ANKRD12: variants seen among roughly 807,000 people sequenced by gnomAD.
The protein encoded by ANKRD12 is ankyrin repeat domain-containing protein 12.
A neutral mutation model predicts 183.4 loss-of-function variants in ANKRD12; 85 were observed. The observed-to-expected ratio is 0.46, with a 90% CI of 0.39 to 0.56. ANKRD12 has a LOEUF of 0.56. Ranked by LOEUF, ANKRD12 falls within the 20% of genes least tolerant of loss-of-function variation. The pLI is 0.00. For synonymous variants in ANKRD12, 914 were observed against 800.2 expected, an observed-to-expected ratio of 1.14 and a Z score of -2.40; for missense variants, 2,405 against 2,357.1, an observed-to-expected ratio of 1.02 and a Z score of -0.42.
At chr18:9,179,244 T>C (rs577307614) in intron 1 of ANKRD12, among the ~76,000 whole-genome samples, 31 of 152,300 alleles carry the variant, frequency 2.0e-4, no homozygotes, top group Non-Finnish European at 1.9e-4. Flanking sequence ...ACTTTCCAAG[T>C]TGTATGCCTT....
At position 9,279,557 on chromosome 18, in the gene ANKRD12, CAGTAAA is replaced by C. The variant is rs776092352; in HGVS notation, c.5918_5923del (p.Ser1973_Lys1974del). On this transcript the variant is annotated inframe_deletion, in exon 12 of 13. Transcript: ENST00000262126. ...TCACTTTTCTCTTTTAGTCTGATGA[CAGTAAA>C]ACTTCTGTGAGGGATCGCTTTAATG... 6.3e-7 allele frequency: 1 copy of C among 1,588,506 alleles called. No homozygotes were observed. The highest frequency in any genetic ancestry group is 8.6e-7 in the Non-Finnish European group (1 of 1,164,848).
chr18:9,222,471 T>C (rs989271293), intron 8 of ANKRD12, among the ~76,000 whole-genome samples: 9 of 151,454 alleles, frequency 5.9e-5, no homozygotes, highest in African/African-American at 1.7e-4. Flanking sequence ...TTTCTTTCTT[T>C]TTTTTTTTTT....
chr18:9,264,151 A>G (rs1027826816), intron 10 of ANKRD12, among the ~76,000 whole-genome samples: 20 of 152,254 alleles, frequency 1.3e-4, no homozygotes, highest in Admixed American at 1.0e-3. Flanking sequence ...TTGTAGAACT[A>G]TAGCAGTAGA....
chr18:9,148,588 T>G (rs1232471351), intron 1 of ANKRD12, among the ~76,000 whole-genome samples: 1 of 152,182 alleles, frequency 6.6e-6, no homozygotes, highest in Non-Finnish European at 1.5e-5. Context: ...ATTGCTTAAA[T>G]TATTTCCAAA....
intron 10 of ANKRD12, among the ~76,000 whole-genome samples, chr18:9,267,078 A>G (rs1299402926): frequency 6.6e-6 from 1 of 152,200 alleles, no homozygotes; most frequent in East Asian, 1.9e-4. Flanking sequence ...TATCCTAAAT[A>G]TATATGCACC....
chr18:9,255,950 A>T lies in ANKRD12; in HGVS notation c.2683A>T (p.Lys895Ter). 1 of 1,581,308 alleles carries T rather than the reference A, an allele frequency of 6.3e-7. No individual in the cohort carries two copies. The highest frequency in any genetic ancestry group is 8.5e-7 in the Non-Finnish European group (1 of 1,171,376). The change falls in exon 9 of 13, where the codon AAA becomes TAA. Residue 895 changes from lysine to a stop codon, truncating the protein, a stop_gained. Coordinates refer to ENST00000262126, the MANE Select transcript of ANKRD12 (RefSeq NM_015208.5). LOFTEE classifies it high-confidence loss of function. ...GAAGAGCAAAAATACTGCTGCTATT[A>T]AAAAAACTGACGACAGAGAGAAAAG... ...GEKSKNTAAI[K>*]KTDDREKSRE...
chr18:9,257,853 A>G lies in ANKRD12; in HGVS notation c.4586A>G (p.Gln1529Arg). The change falls in exon 9 of 13, where the codon CAG becomes CGG. Residue 1529 changes from glutamine (Q) to arginine (R), a missense_variant. By Grantham distance (43) the Gln-to-Arg change is conservative. This residue lies in a region of ANKRD12 where 1,983 missense variants were observed against 1,725.9 expected (regional missense o/e 1.15). Transcript: ENST00000262126. The stretch of plus-strand genomic sequence containing the variant: ...ATTTTACAACAAAAAAATGCAGTTC[A>G]GATTATTAGTTCTGCTTTAGATACT... ...PGILQQKNAV[Q>R]IISSALDTDN... 1 of 1,613,736 alleles carries G rather than the reference A, an allele frequency of 6.2e-7. No individual in the cohort carries two copies. Among genetic ancestry groups the G allele is most frequent in the Non-Finnish European group, 8.5e-7 (1 of 1,179,910 alleles).
intron 7 of ANKRD12, among the ~76,000 whole-genome samples, chr18:9,217,353 G>T (rs1250333905): frequency 6.6e-6 from 1 of 152,016 alleles, no homozygotes; most frequent in Non-Finnish European, 1.5e-5. Context: ...TTCCCTCCTC[G>T]GAACCTCCGT....
chr18:9,254,461 A>G lies in ANKRD12; in HGVS notation c.1194A>G (p.Leu398=). 1 of 1,567,968 alleles carries G rather than the reference A, an allele frequency of 6.4e-7. No individual in the cohort carries two copies. The highest frequency in any genetic ancestry group is 1.2e-5 in the South Asian group (1 of 81,850). Residue 398 remains leucine, a synonymous_variant, in exon 9 of 13, where the codon TTA becomes TTG. Coordinates refer to ENST00000262126, the MANE Select transcript of ANKRD12 (RefSeq NM_015208.5). ...ENEPEAEKTH[L]FAKQEKAFYP... is the part of the protein sequence containing the mutation. ...AACCTGAAGCAGAAAAAACTCATTT[A>G]TTTGCAAAACAGGAGAAAGCCTTCT...
chr18:9,258,336 G>T lies in ANKRD12; in HGVS notation c.5069G>T (p.Ser1690Ile). ...ATAGAAGATGAGGAATCTCAACAAA[G>T]CATTTTATCAAGTCTGGAAAACCAT... ...LSIEDEESQQ[S>I]ILSSLENHSQ... Residue 1690 changes from serine to isoleucine, a missense_variant, in exon 9 of 13, where the codon AGC becomes ATC. Physicochemically the swap from Ser to Ile is moderately radical, Grantham distance 142. This residue lies in a region of ANKRD12 where 1,983 missense variants were observed against 1,725.9 expected (regional missense o/e 1.15). Coordinates refer to ENST00000262126, the MANE Select transcript of ANKRD12 (RefSeq NM_015208.5). 5 of 1,613,718 alleles carry T rather than the reference G, an allele frequency of 3.1e-6. No individual in the cohort carries two copies. Among genetic ancestry groups the T allele is most frequent in the Non-Finnish European group, 4.2e-6 (5 of 1,179,924 alleles).
At chr18:9,204,274 A>G (rs2035353134) in intron 3 of ANKRD12, among the ~76,000 whole-genome samples, 2 of 152,234 alleles carry the variant, frequency 1.3e-5, no homozygotes, top group Non-Finnish European at 2.9e-5. Context: ...ACTTTAAGAT[A>G]TTTTTGTTGA....
chr18:9,181,857 AC>A (rs1334797097), intron 1 of ANKRD12, among the ~76,000 whole-genome samples: 1 of 152,238 alleles, frequency 6.6e-6, no homozygotes, highest in Non-Finnish European at 1.5e-5. Context: ...TGATTACAGT[AC>A]AATAGAAGTA....
At chr18:9,169,921 C>T (rs2032514070) in intron 1 of ANKRD12, among the ~76,000 whole-genome samples, 1 of 152,184 alleles carries the variant, frequency 6.6e-6, no homozygotes, top group Non-Finnish European at 1.5e-5. Context: ...GTGACAAAAT[C>T]TCTCAGCATT....
rs1353276979 is a variant in ANKRD12, at chr18:9,222,821, A to G, written c.943+822A>G. ...AAATTATATTTCACATGGAAAGGCA[A>G]TTGAAAGAACACACCTTCTGAATAT... On this transcript the variant is annotated intron_variant, in intron 8 of 12. Coordinates refer to ENST00000262126, the MANE Select transcript of ANKRD12 (RefSeq NM_015208.5). Among the ~76,000 whole-genome samples, 4 of 152,202 alleles carry G rather than the reference A, an allele frequency of 2.6e-5. No individual in the cohort carries two copies. In the East Asian group the frequency reaches 5.8e-4, roughly 22 times the overall value.
chr18:9,149,694 T>C (rs1057072761), intron 1 of ANKRD12, among the ~76,000 whole-genome samples: 2 of 152,184 alleles, frequency 1.3e-5, no homozygotes, highest in African/African-American at 4.8e-5. Context: ...AATAGAACTC[T>C]ATCCTGTAGG....
intron 8 of ANKRD12, among the ~76,000 whole-genome samples, chr18:9,229,917 C>T (rs2144849318): frequency 6.6e-6 from 1 of 152,118 alleles, no homozygotes; most frequent in East Asian, 1.9e-4. Flanking sequence ...GGGATGTTGG[C>T]CTATAGTTTT....
At chr18:9,153,003 A>T (rs558118732) in intron 1 of ANKRD12, among the ~76,000 whole-genome samples, 1 of 152,156 alleles carries the variant, frequency 6.6e-6, no homozygotes, top group South Asian at 2.1e-4. Flanking sequence ...TTTCTTTTTT[A>T]AAAAATTTTT....
At chr18:9,187,991 A>G (rs115859092) in intron 2 of ANKRD12, among the ~76,000 whole-genome samples, 2,736 of 152,330 alleles carry the variant, frequency 0.018, 84 homozygotes, top group African/African-American at 0.062. Context: ...GAAAATACAT[A>G]TAAGAATAAT....
Position 9,255,167 on chromosome 18 carries a change from G to A in ANKRD12, c.1900G>A (p.Glu634Lys). The A allele has an allele frequency of 6.3e-7, 1 of 1,580,388 alleles. No individual in the cohort carries two copies. ...IKDEDHSPTF[E>K]NSDCTLKKMD... ...GGATGAAGATCATAGTCCAACATTT[G>A]AAAATTCAGATTGCACACTGAAAAA... is the stretch of plus-strand genomic sequence containing the variant. Residue 634 changes from glutamate to lysine, a missense_variant, in exon 9 of 13, where the codon GAA becomes AAA. Around this residue, in one of 7 missense-constraint regions of ANKRD12, gnomAD observed 1,983 missense variants for 1,725.9 expected, o/e 1.15. Transcript: ENST00000262126.
Sources: gnomAD v4.1 joint callset for allele counts (sites outside exome capture counted in the v4.1 genomes callset) on GRCh38, gnomAD v4.1.1 for gene constraint, gnomAD v4.1.1 regional missense constraint, MANE v1.5 for transcripts, NCBI Gene and HGNC (gene_info 2026-07-23, HGNC 2026-07-21) for gene names.